PRDM2: variants seen among roughly 807,000 people sequenced by gnomAD.
PRDM2 encodes PR/SET domain 2.
PRDM2 carries 30 observed loss-of-function variants against 130.0 expected under a neutral mutation model. The observed-to-expected ratio is 0.23, with a 90% confidence interval of 0.17 to 0.31. PRDM2 has a LOEUF of 0.31. Among genes scored for constraint, PRDM2 ranks in the 10% least tolerant of loss-of-function variants. The pLI, the probability that PRDM2 is intolerant of heterozygous loss-of-function variation, is 1.00. For synonymous variants in PRDM2, 871 were observed against 782.4 expected (o/e 1.11, Z -1.89); for missense variants, 2,011 against 2,108.4 (o/e 0.95, Z 0.90).
chr1:13,786,696 C>T (rs1644748913), intron 8 of PRDM2: 2 of 1,470,386 alleles, frequency 1.4e-6, no homozygotes, highest in African/African-American at 1.4e-5. Context: ...TAGAGTCAGG[C>T]ATCTGCTGCT....
intron 1 of PRDM2, among the ~76,000 whole-genome samples, chr1:13,704,391 G>A (rs1642148923): frequency 6.6e-6 from 1 of 150,930 alleles, no homozygotes; most frequent in Non-Finnish European, 1.5e-5. Flanking sequence ...TATTCTTAGA[G>A]TCTTGGTTCA....
chr1:13,758,717 C>T (rs532397546), intron 6 of PRDM2, among the ~76,000 whole-genome samples: 165 of 152,256 alleles, frequency 1.1e-3, no homozygotes, highest in African/African-American at 3.9e-3. Flanking sequence ...TTTATTGTAG[C>T]TGCTTGCTAT....
intron 8 of PRDM2, among the ~76,000 whole-genome samples, chr1:13,798,251 T>C (rs981859190): frequency 2.0e-5 from 3 of 152,228 alleles, no homozygotes; most frequent in African/African-American, 7.2e-5. Flanking sequence ...CTCAGTGACC[T>C]ACTTATGTGA....
rs1423042739 is a variant in PRDM2, at chr1:13,778,683, A to G, written c.888A>G (p.Glu296=). 1.9e-6 allele frequency: 3 copies of G among 1,614,126 alleles called. No individual in the cohort carries two copies. The highest frequency in any genetic ancestry group is 2.5e-6 in the Non-Finnish European group (3 of 1,180,062). ...DDELEDEGEE[E]ASMPNENSVK... ...AGTTGGAAGACGAGGGGGAAGAAGA[A>G]GCCAGCATGCCAAATGAAAATTCTG... Residue 296 remains glutamate (E), a synonymous_variant, in exon 8 of 10, where the codon GAA becomes GAG. Transcript: ENST00000311066.
chr1:13,802,893 G>A (rs1013434449), intron 8 of PRDM2, among the ~76,000 whole-genome samples: 12 of 152,250 alleles, frequency 7.9e-5, no homozygotes, highest in African/African-American at 2.9e-4. Flanking sequence ...AGGATTTGGG[G>A]CAGCCTAGAA....
chr1:13,739,631 A>G (rs1169807598), intron 4 of PRDM2, among the ~76,000 whole-genome samples: 1 of 152,218 alleles, frequency 6.6e-6, no homozygotes, highest in Non-Finnish European at 1.5e-5. Context: ...TTTAGCCATG[A>G]ATTGGAAGCA....
At chr1:13,724,478 T>C (rs1642840693) in intron 2 of PRDM2, among the ~76,000 whole-genome samples, 1 of 151,302 alleles carries the variant, frequency 6.6e-6, no homozygotes, top group Admixed American at 6.6e-5. Flanking sequence ...TAGAAAGTTA[T>C]AGAAATTCCT....
chr1:13,786,772 AAGAC>A, intron 8 of PRDM2: 7 of 1,341,554 alleles, frequency 5.2e-6, no homozygotes, highest in South Asian at 1.8e-5. Flanking sequence ...AGGGCACTGT[AAGAC>A]AGGCCAGATG....
intron 5 of PRDM2, among the ~76,000 whole-genome samples, chr1:13,744,648 T>G (rs1557613990): frequency 6.6e-6 from 1 of 152,184 alleles, no homozygotes; most frequent in Non-Finnish European, 1.5e-5. Context: ...CCAATATATA[T>G]ATATATATAA....
At position 13,781,021 on chromosome 1, in the gene PRDM2, C is replaced by T. The variant is rs754847298; in HGVS notation, c.3226C>T (p.Pro1076Ser). The change falls in exon 8 of 10, where the codon CCT (proline) becomes TCT (serine). Residue 1076 changes from proline to serine, a missense_variant. Transcript: ENST00000311066. This position sits in a 1 kb window ranked among gnomAD's most constrained non-coding sequence, Gnocchi z 6.1. ...SSSSSSSPSP[P>S]PLSAISSVVS... ...ATCTTCCTCCTCTTCTCCTTCTCCA[C>T]CTCCTCTCTCCGCAATATCATCTGT... 2 of 1,606,746 alleles carry T rather than the reference C, an allele frequency of 1.2e-6. No homozygotes were observed. Among genetic ancestry groups the T allele is most frequent in the Non-Finnish European group, 1.7e-6 (2 of 1,173,382 alleles).
Position 13,780,922 on chromosome 1 carries a change from G to C in PRDM2, c.3127G>C (p.Ala1043Pro). ...PIPPVEPLMS[A>P]ASPGPPTLSS... ...TCCTCCCGTGGAGCCCCTGATGTCT[G>C]CCGCCTCACCCGGGCCTCCAACACT... The change falls in exon 8 of 10, where the codon GCC becomes CCC. Residue 1043 changes from alanine to proline, a missense_variant. Ala to Pro is a conservative substitution (Grantham distance 27, BLOSUM62 -1). Coordinates refer to ENST00000311066, the MANE Select transcript of PRDM2 (RefSeq NM_001393986.1). 1 of 1,612,440 alleles carries C rather than the reference G, an allele frequency of 6.2e-7. No homozygotes were observed. Among genetic ancestry groups the C allele is most frequent in the Non-Finnish European group, 8.5e-7 (1 of 1,179,216 alleles).
intron 8 of PRDM2, among the ~76,000 whole-genome samples, chr1:13,786,028 TG>T (rs767509432): frequency 1.8e-4 from 27 of 151,540 alleles, no homozygotes; most frequent in Non-Finnish European, 3.2e-4. Context: ...TTAGTAGAGA[TG>T]GGGTTTCACC....
In PRDM2 at chr1:13,780,712, C is replaced by G. The variant is rs780475965; in HGVS notation, c.2917C>G (p.Pro973Ala). Residue 973 changes from proline (P) to alanine (A), a missense_variant, in exon 8 of 10, where the codon CCT becomes GCT. Pro to Ala is a conservative substitution (Grantham distance 27, BLOSUM62 -1). Transcript: ENST00000311066. ...PLLIPTDPSS[P>A]PPCPPVLTVA... ...CTTGATCCCCACAGATCCCTCTTCCCCTCCACCCTGTCCCCCGGTATTAAC... is the reference window on the plus strand; with the variant it reads ...CTTGATCCCCACAGATCCCTCTTCCGCTCCACCCTGTCCCCCGGTATTAAC... 9 of 1,602,082 alleles carry G rather than the reference C, an allele frequency of 5.6e-6. No homozygotes were observed. The highest frequency in any genetic ancestry group is 7.7e-6 in the Non-Finnish European group (9 of 1,172,862).
At chr1:13,809,432 C>A (rs184849086) in intron 8 of PRDM2, among the ~76,000 whole-genome samples, 7 of 152,226 alleles carry the variant, frequency 4.6e-5, no homozygotes, top group African/African-American at 1.7e-4. Flanking sequence ...GAGAGAGTGA[C>A]GGAGGGACCG....
At position 13,779,112 on chromosome 1, in the gene PRDM2, C is replaced by T. The variant is rs1021464366; in HGVS notation, c.1317C>T (p.Asn439=). ...CTGATGGCAAAGCATCTGGAGAAAA[C>T]GTTGCTTCAAAAGATGATTCGAGTC... ...DLADGKASGE[N]VASKDDSSPP... The change falls in exon 8 of 10, where the codon AAC becomes AAT. Residue 439 remains asparagine, a synonymous_variant. Transcript: ENST00000311066. The surrounding 1 kb of genome is among the most constrained non-coding windows in gnomAD (Gnocchi z 4.9). 1.2e-6 allele frequency: 2 copies of T among 1,614,070 alleles called. No homozygotes were observed. The highest frequency in any genetic ancestry group is 1.3e-5 in the African/African-American group (1 of 74,926).
In PRDM2 at chr1:13,749,143, C is replaced by T. The variant is rs373998368; in HGVS notation, c.385-218C>T. On this transcript the variant is annotated intron_variant, in intron 5 of 9. Coordinates refer to ENST00000311066, the MANE Select transcript of PRDM2 (RefSeq NM_001393986.1). ...TCACCGGGCCTTCCGCGCCCCTCGC[C>T]CCACGCCGCGGGTGCGGTCCTCCCT... Among the ~76,000 whole-genome samples the T allele has an allele frequency of 8.8e-4, 134 of 152,102 alleles. 3 individuals are homozygous for T. In the Middle Eastern group the frequency reaches 0.024, roughly 27 times the overall value.
intron 6 of PRDM2, among the ~76,000 whole-genome samples, chr1:13,753,889 G>A (rs1643890793): frequency 6.6e-6 from 1 of 152,176 alleles, no homozygotes; most frequent in Non-Finnish European, 1.5e-5. Context: ...TCTGTGTCAG[G>A]CACTATTCTG....
At chr1:13,782,915 T>C (rs1250794320) in intron 8 of PRDM2, 84 bp downstream of exon 8, 21 of 672,734 alleles carry the variant, frequency 3.1e-5, no homozygotes, top group Admixed American at 1.0e-4. Flanking sequence ...TCTTGTTGCT[T>C]TTTTTTTTTT....
Position 13,782,625 on chromosome 1 carries a change from C to G in PRDM2, c.4830C>G (p.Ser1610Arg). The G allele has an allele frequency of 1.9e-6, 3 of 1,614,138 alleles. No individual in the cohort carries two copies. The South Asian group carries it at 3.3e-5, about 18-fold the overall frequency. Residue 1610 changes from serine (S) to arginine (R), a missense_variant, in exon 8 of 10, where the codon AGC becomes AGG. Ser to Arg is a moderately radical substitution (Grantham distance 110). Around this residue, in one of 5 missense-constraint regions of PRDM2, gnomAD observed 410 missense variants for 395.9 expected, o/e 1.04. Transcript: ENST00000311066. ...SAQLSSKTSR[S>R]LHVRVQKSKA... ...AGCTTTCCAGCAAAACATCACGGAG[C>G]CTGCACGTGAGGGTACAGAAAAGCA...
Sources: allele counts gnomAD v4.1 joint callset (sites outside exome capture counted in the v4.1 genomes callset), GRCh38; gene constraint gnomAD v4.1.1; regional missense constraint gnomAD v4.1.1; non-coding constraint Gnocchi (gnomAD v3.1); transcripts MANE v1.5; gene names NCBI Gene and HGNC (gene_info 2026-07-23, HGNC 2026-07-21).